Variants in PLXND1 observed in about 807,000 individuals in gnomAD.
PLXND1 encodes plexin-D1.
Under a neutral mutation model 197.7 loss-of-function variants are expected in PLXND1, and 54 were observed. That is an observed-to-expected ratio of 0.27 (90% CI 0.22 to 0.34). The LOEUF is 0.34. PLXND1 is among the 10% of genes least tolerant of loss of function. The pLI is 1.00. For synonymous variants in PLXND1, 1,180 were observed against 1,161.2 expected, an observed-to-expected ratio of 1.02 and a Z score of -0.33; for missense variants, 2,127 against 2,699.2, an observed-to-expected ratio of 0.79 and a Z score of 4.70.
chr3:129,583,685 G>A lies in PLXND1; in HGVS notation c.2139-16C>T. On this transcript the variant is annotated splice_polypyrimidine_tract_variant and intron_variant, in intron 7 of 35. Coordinates refer to ENST00000324093, the MANE Select transcript of PLXND1 (RefSeq NM_015103.3). ...GCTGGTACAGCTGGAAGACAAGGAGGCCCCTCAACTCCTGGTTCCCCACCC... is the reference window on the plus strand; with the variant it reads ...GCTGGTACAGCTGGAAGACAAGGAGACCCCTCAACTCCTGGTTCCCCACCC... 6.4e-7 allele frequency: 1 copy of A among 1,565,734 alleles called. No homozygotes were observed. The highest frequency in any genetic ancestry group is 8.8e-7 in the Non-Finnish European group (1 of 1,139,450).
chr3:129,589,307 G>GCCGGGCCCCCCCCCCCCC, intron 2 of PLXND1, 44 bp downstream of exon 2: 2 of 684,692 alleles, frequency 2.9e-6, no homozygotes, highest in Non-Finnish European at 5.1e-6. Flanking sequence ...TCCCAGGGGA[G>GCCGGGCCCCCCCCCCCCC]CCTCCCACCC....
Position 129,570,073 on chromosome 3 carries a change from C to T in PLXND1, c.3751-116G>A, listed in dbSNP as rs2085201829. 3 of 675,580 alleles carry T rather than the reference C, an allele frequency of 4.4e-6. No homozygotes were observed. In the Admixed American group the frequency reaches 6.2e-5, roughly 14 times the overall value. 41.8% of individuals were successfully genotyped at this position (675,580 alleles called of 1,614,324 possible). A position where few individuals can be genotyped will look rare whatever the true frequency, so the allele number is the denominator to read the frequency against. ...CCTAACCTCTCTGAGCCTCAGGTGC[C>T]ACACTGATAACATAGAGATAACAAT... is the stretch of plus-strand genomic sequence containing the variant. On this transcript the variant is annotated intron_variant, in intron 19 of 35. Transcript: ENST00000324093.
rs767881512 is a variant in PLXND1, at chr3:129,567,453, G to A, written c.4086+39C>T. 3 of 1,237,474 alleles carry A rather than the reference G, an allele frequency of 2.4e-6. No individual in the cohort carries two copies. In the Admixed American group the frequency reaches 5.8e-5, roughly 24 times the overall value. 76.7% of individuals were successfully genotyped at this position (1,237,474 alleles called of 1,614,324 possible). On this transcript the variant is annotated intron_variant, in intron 22 of 35. Coordinates refer to ENST00000324093, the MANE Select transcript of PLXND1 (RefSeq NM_015103.3). ...AGAGAGGTCGAGTTGCCTTGAGGTGGCTGGCACAGGTTCAGGGCAGGCTCA... is the reference window on the plus strand; with the variant it reads ...AGAGAGGTCGAGTTGCCTTGAGGTGACTGGCACAGGTTCAGGGCAGGCTCA...
At position 129,561,127 on chromosome 3, in the gene PLXND1, C is replaced by T. The variant is rs115393808; in HGVS notation, c.4994-404G>A. Reference sequence around the variant, plus strand: ...CGGGGGAGGAGGGGCCCCAGGCAGGCGGGGGTGGGTGCCTTTGCCCACCCC... The same window carrying T: ...CGGGGGAGGAGGGGCCCCAGGCAGGTGGGGGTGGGTGCCTTTGCCCACCCC... On this transcript the variant is annotated intron_variant, in intron 29 of 35. Transcript: ENST00000324093. The T allele has an allele frequency of 5.6e-3, 2,636 of 467,676 alleles. 54 individuals carry two copies. Among genetic ancestry groups the T allele is most frequent in the African/African-American group, 0.047 (2,370 of 50,586 alleles). The allele number at this position is 467,676 out of a possible 1,614,324, so 29.0% of individuals were successfully genotyped here. A position where few individuals can be genotyped will look rare whatever the true frequency, so the allele number is the denominator to read the frequency against.
At chr3:129,575,976 A>G in intron 9 of PLXND1, 121 bp from the exon 10 acceptor site, 1 of 684,598 alleles carries the variant, frequency 1.5e-6, no homozygotes, top group Non-Finnish European at 2.7e-6. Context: ...TCGAACTGTC[A>G]GGCCTTTGCA....
intron 24 of PLXND1, 114 bp downstream of exon 24, chr3:129,565,773 G>T: frequency 3.4e-6 from 4 of 1,176,378 alleles, no homozygotes; most frequent in Non-Finnish European, 4.8e-6. Context: ...GCCCAGGAAG[G>T]GCTGGAATAT....
At chr3:129,589,320 A>ACCCCCCCCCCCCCCCCCCCCCC in intron 2 of PLXND1, 31 bp downstream of exon 2, 1 of 343,182 alleles carries the variant, frequency 2.9e-6, no homozygotes, top group Non-Finnish European at 5.5e-6. Flanking sequence ...TCCCACCCCC[A>ACCCCCCCCCCCCCCCCCCCCCC]CCCCCTCCCC....
intron 25 of PLXND1, 118 bp downstream of exon 25, chr3:129,565,222 C>T: frequency 1.3e-6 from 1 of 798,468 alleles, no homozygotes; most frequent in South Asian, 1.6e-5. Context: ...TGCAACACTC[C>T]CTCCTGGCAG....
chr3:129,595,923 A>ACACACACG (rs1261224600), intron 1 of PLXND1, among the ~76,000 whole-genome samples: 1 of 125,508 alleles, frequency 8.0e-6, no homozygotes, highest in Non-Finnish European at 1.8e-5. Flanking sequence ...GCACGCACGC[A>ACACACACG]CACACACACA....
intron 15 of PLXND1, among the ~76,000 whole-genome samples, chr3:129,572,302 G>C: frequency 6.6e-6 from 1 of 152,158 alleles, no homozygotes; most frequent in East Asian, 1.9e-4. Flanking sequence ...CCACACCCCT[G>C]CCACTCACCA....
chr3:129,588,087 G>A (rs889767865), intron 2 of PLXND1, among the ~76,000 whole-genome samples: 6 of 152,228 alleles, frequency 3.9e-5, no homozygotes, highest in African/African-American at 9.6e-5. Context: ...TTTAAGGCCC[G>A]AGCAGGGCAG....
chr3:129,586,696 C>G lies in PLXND1; in HGVS notation c.1512G>C (p.Gln504His). 6.3e-7 allele frequency: 1 copy of G among 1,598,502 alleles called. No homozygotes were observed. The highest frequency in any genetic ancestry group is 8.5e-7 in the Non-Finnish European group (1 of 1,172,196). Reference sequence around the variant, plus strand: ...CAGTCACCACCCGCCTGCTCACCACCTGCATGCTCTCGTTCAGGTTGATCT... The same window carrying G: ...CAGTCACCACCCGCCTGCTCACCACGTGCATGCTCTCGTTCAGGTTGATCT... ...LLKINLNESM[Q>H]VVSRRVVTVA... The change falls in exon 3 of 36, where the codon CAG becomes CAC. Residue 504 changes from glutamine (Q) to histidine (H), a missense_variant. Physicochemically the swap from Gln to His is conservative, Grantham distance 24. Transcript: ENST00000324093.
intron 2 of PLXND1, 37 bp downstream of exon 2, chr3:129,589,314 A>AACCCCC: frequency 2.9e-6 from 1 of 346,844 alleles, no homozygotes; most frequent in Non-Finnish European, 5.7e-6. Flanking sequence ...GGAGCCTCCC[A>AACCCCC]CCCCCACCCC....
In PLXND1 at chr3:129,584,608, T is replaced by C. The variant is rs753733018; in HGVS notation, c.1852-46A>G. 3 of 1,540,002 alleles carry C rather than the reference T, an allele frequency of 1.9e-6. No homozygotes were observed. The East Asian group carries it at 6.8e-5, about 35-fold the overall frequency. On this transcript the variant is annotated intron_variant, in intron 5 of 35. Coordinates refer to ENST00000324093, the MANE Select transcript of PLXND1 (RefSeq NM_015103.3). Reference sequence around the variant, plus strand: ...GCTCTGGGGGTCCAGGCTATGCTCCTCACAGCCTGCCCCAGGGCTGTGCAC... The same window carrying C: ...GCTCTGGGGGTCCAGGCTATGCTCCCCACAGCCTGCCCCAGGGCTGTGCAC...
intron 27 of PLXND1, 167 bp downstream of exon 27, chr3:129,562,620 T>C: frequency 1.7e-6 from 1 of 592,584 alleles, no homozygotes; most frequent in Non-Finnish European, 2.9e-6. Flanking sequence ...CTGCAGGACT[T>C]GTCTCCTACA....
In PLXND1 at chr3:129,573,675, C is replaced by T. The variant is rs774136197; in HGVS notation, c.2756G>A (p.Arg919Gln). 8.7e-6 allele frequency: 14 copies of T among 1,613,574 alleles called. No individual in the cohort carries two copies. The highest frequency in any genetic ancestry group is 4.5e-5 in the East Asian group (2 of 44,884). ...LTIRGRNLGR[R>Q]LSDVAHGVWI... The stretch of plus-strand genomic sequence containing the variant: ...CACGCCGTGGGCCACGTCACTGAGC[C>T]GCCGGCCCAGGTTCCTTCCTCGGAT... The change falls in exon 13 of 36, where the codon CGG (arginine) becomes CAG (glutamine). Residue 919 changes from arginine to glutamine, a missense_variant. Coordinates refer to ENST00000324093, the MANE Select transcript of PLXND1 (RefSeq NM_015103.3).
At chr3:129,575,715 T>C (rs777323983) in intron 10 of PLXND1, 51 bp downstream of exon 10, 4 of 1,378,834 alleles carry the variant, frequency 2.9e-6, no homozygotes, top group South Asian at 2.4e-5. Context: ...GTACAGCATC[T>C]GGACTTAACG....
intron 1 of PLXND1, among the ~76,000 whole-genome samples, chr3:129,595,947 A>ACACACACT (rs879807222): frequency 1.3e-5 from 2 of 149,206 alleles, no homozygotes; most frequent in African/African-American, 2.5e-5. Flanking sequence ...ACACACACAC[A>ACACACACT]CTCTTGCTGC....
intron 23 of PLXND1, 85 bp downstream of exon 23, chr3:129,566,442 G>T: frequency 1.2e-6 from 1 of 818,076 alleles, no homozygotes; most frequent in Non-Finnish European, 2.2e-6. Flanking sequence ...AGGGATCAAT[G>T]CATTAGATGA....
Sources: allele counts gnomAD v4.1 joint callset (sites outside exome capture counted in the v4.1 genomes callset), GRCh38; gene constraint gnomAD v4.1.1; transcripts MANE v1.5; gene names NCBI Gene and HGNC (gene_info 2026-07-23, HGNC 2026-07-21).